Variants in COL6A3 observed in about 807,000 individuals in gnomAD.
COL6A3 encodes collagen alpha-3(VI) chain.
A neutral mutation model predicts 274.1 loss-of-function variants in COL6A3; 137 were observed. The observed-to-expected ratio is 0.50, with a 90% confidence interval of 0.44 to 0.58. The LOEUF (loss-of-function observed/expected upper bound fraction) is 0.58, where lower values mean the gene tolerates loss of function less well. Among genes scored for constraint, COL6A3 ranks in the 20% least tolerant of loss-of-function variants. The pLI is 0.00. For missense variants in COL6A3, 3,950 were observed against 4,124.9 expected, an observed-to-expected ratio of 0.96 and a Z score of 1.16; for synonymous variants, 1,650 against 1,650.6, an observed-to-expected ratio of 1.00 and a Z score of 0.01.
Position 237,377,300 on chromosome 2 carries a change from G to T in COL6A3, c.2542C>A (p.Leu848Ile). ...CGGACAACAGGGAACTGGCCCACAA[G>T]ATTGGCTGAGCCGTCAAAGAGGAAC... is the stretch of plus-strand genomic sequence containing the variant. ...ILFLFDGSANLVGQFPVVRDF... is the reference protein window; with the variant it reads ...ILFLFDGSANIVGQFPVVRDF... Residue 848 changes from leucine (L) to isoleucine (I), a missense_variant, in exon 7 of 44, where the codon CTT (leucine) becomes ATT (isoleucine). Coordinates refer to ENST00000295550, the MANE Select transcript of COL6A3 (RefSeq NM_004369.4). 1 of 1,602,366 alleles carries T rather than the reference G, an allele frequency of 6.2e-7. No individual in the cohort carries two copies. The highest frequency in any genetic ancestry group is 1.1e-5 in the South Asian group (1 of 91,072).
Position 237,344,229 on chromosome 2 carries a change from T to G in COL6A3, c.7668+121A>C. 1 of 1,476,758 alleles carries G rather than the reference T, an allele frequency of 6.8e-7. No homozygotes were observed. The highest frequency in any genetic ancestry group is 9.4e-7 in the Non-Finnish European group (1 of 1,063,466). The allele number at this position is 1,476,758 out of a possible 1,614,324, so 91.5% of individuals were successfully genotyped here. A position where few individuals can be genotyped will look rare whatever the true frequency, so the allele number is the denominator to read the frequency against. On this transcript the variant is annotated intron_variant, in intron 36 of 43. Coordinates refer to ENST00000295550, the MANE Select transcript of COL6A3 (RefSeq NM_004369.4). The surrounding 1 kb of genome is among the most constrained non-coding windows in gnomAD (Gnocchi z 4.8). ...AAGAGAAGTTCTCAGGCAGATGGCC[T>G]CATTGGGGACGTTTTAGGAGCTATG...
chr2:237,344,192 TG>T lies in COL6A3; in HGVS notation c.7668+157del. The T allele has an allele frequency of 9.0e-7, 1 of 1,108,362 alleles. No individual in the cohort carries two copies. Among genetic ancestry groups the T allele is most frequent in the Non-Finnish European group, 1.4e-6 (1 of 733,732 alleles). 68.7% of individuals were successfully genotyped at this position (1,108,362 alleles called of 1,614,324 possible). A position where few individuals can be genotyped will look rare whatever the true frequency, so the allele number is the denominator to read the frequency against. ...TAGTGCTGGAGCCACGAGGTTGTCC[TG>T]GAGACCTCACAAGAGAAGTTCTCAG... On this transcript the variant is annotated intron_variant, in intron 36 of 43. Transcript: ENST00000295550. This position sits in a 1 kb window ranked among gnomAD's most constrained non-coding sequence, Gnocchi z 4.8.
rs1300185498 is a variant in COL6A3 at position 237,371,344 on chromosome 2, C to G, written c.4285+388G>C. Among the ~76,000 whole-genome samples, 3 of 152,132 alleles carry G rather than the reference C, an allele frequency of 2.0e-5. No individual in the cohort carries two copies. The highest frequency in any genetic ancestry group is 2.0e-4 in the Admixed American group (3 of 15,278). On this transcript the variant is annotated intron_variant, in intron 9 of 43. Transcript: ENST00000295550. This position sits in a 1 kb window ranked among gnomAD's most constrained non-coding sequence, Gnocchi z 4.3. ...GGGCGCGGTGTCTCAGGCCTGTAATCCCAGCACTTTGGGAGGCCGCAGCAG... is the reference window on the plus strand; with the variant it reads ...GGGCGCGGTGTCTCAGGCCTGTAATGCCAGCACTTTGGGAGGCCGCAGCAG...
intron 1 of COL6A3, among the ~76,000 whole-genome samples, chr2:237,398,173 G>A (rs1170077678): frequency 6.6e-6 from 1 of 152,196 alleles, no homozygotes; most frequent in Non-Finnish European, 1.5e-5. Context: ...TTCCTCCAAG[G>A]AAAATCTGCC....
rs764957153 is a variant in COL6A3, at chr2:237,378,668, C to G, written c.2465G>C (p.Gly822Ala). The G allele has an allele frequency of 6.2e-7, 1 of 1,613,192 alleles. No homozygotes were observed. Among genetic ancestry groups the G allele is most frequent in the Non-Finnish European group, 8.5e-7 (1 of 1,180,044 alleles). ...AGCGAGTGGTACTTCCTCCACACCT[C>G]CACTAACATATGTGGTTAGGGGCTG... ...LIQPLTTYVS[G>A]GVEEVPLAQP... Residue 822 changes from glycine (G) to alanine (A), a missense_variant, in exon 6 of 44, where the codon GGA becomes GCA. Physicochemically the swap from Gly to Ala is moderately conservative, Grantham distance 60 (BLOSUM62 0). This residue lies in a region of COL6A3 where 1,934 missense variants were observed against 1,984.3 expected (regional missense o/e 0.97). Transcript: ENST00000295550.
chr2:237,380,429 C>T (rs1385535318), intron 5 of COL6A3, among the ~76,000 whole-genome samples: 1 of 152,186 alleles, frequency 6.6e-6, no homozygotes, highest in Non-Finnish European at 1.5e-5. Context: ...TATGCTTTCC[C>T]ATTGAGGGTA....
At chr2:237,370,518 T>C (rs1247017827) in intron 9 of COL6A3, among the ~76,000 whole-genome samples, 1 of 152,198 alleles carries the variant, frequency 6.6e-6, no homozygotes, top group East Asian at 1.9e-4. Flanking sequence ...ATTACAGGCG[T>C]GAGCCACCAC....
Position 237,368,737 on chromosome 2 carries a change from G to C in COL6A3, c.4726C>G (p.Arg1576Gly). The change falls in exon 10 of 44, where the codon CGG becomes GGG. Residue 1576 changes from arginine to glycine, a missense_variant. Physicochemically the swap from Arg to Gly is moderately radical, Grantham distance 125 (BLOSUM62 -2). Around this residue, in one of 5 missense-constraint regions of COL6A3, gnomAD observed 632 missense variants for 623.4 expected, o/e 1.01. Coordinates refer to ENST00000295550, the MANE Select transcript of COL6A3 (RefSeq NM_004369.4). The surrounding 1 kb of genome is among the most constrained non-coding windows in gnomAD (Gnocchi z 4.4). Reference sequence around the variant, plus strand: ...TGCAGCTCTGTTCTGTCGATGTTCCGGTCTCCTACCCCTAAACTCACAATG... The same window carrying C: ...TGCAGCTCTGTTCTGTCGATGTTCCCGTCTCCTACCCCTAAACTCACAATG... ...SGIVSLGVGD[R>G]NIDRTELQTI... The C allele has an allele frequency of 6.2e-7, 1 of 1,614,124 alleles. No homozygotes were observed. Among genetic ancestry groups the C allele is most frequent in the South Asian group, 1.1e-5 (1 of 91,076 alleles).
chr2:237,411,042 C>T (rs894902333), intron 1 of COL6A3, among the ~76,000 whole-genome samples: 2 of 152,160 alleles, frequency 1.3e-5, no homozygotes, highest in African/African-American at 4.8e-5. Context: ...CTCCTCAAAT[C>T]GTCAGCTATT....
rs920132941 is a variant in COL6A3 at position 237,324,753 on chromosome 2, T to A, written c.*21A>T. On this transcript the variant is annotated 3_prime_UTR_variant, in exon 44 of 44. Transcript: ENST00000295550. ...CTGACTCCTTCTTCTTCAAGAGGTA[T>A]ATGATGTTGGCCACCCACGCTTAGG... 1 of 1,613,532 alleles carries A rather than the reference T, an allele frequency of 6.2e-7. No individual in the cohort carries two copies. The highest frequency in any genetic ancestry group is 8.5e-7 in the Non-Finnish European group (1 of 1,179,656).
Position 237,334,801 on chromosome 2 carries a change from A to G in COL6A3, c.9054T>C (p.Tyr3018=). The change falls in exon 41 of 44, where the codon TAT becomes TAC. Residue 3018 remains tyrosine (Y), a synonymous_variant. Transcript: ENST00000295550. ...HWERAEPPGP[Y]FYDLTVTSAH... ...CTGAGGTGACGGTGAGGTCATAAAA[A>G]TAAGGACCGGGGGGCTCAGCCCTCT... 1.2e-6 allele frequency: 2 copies of G among 1,614,206 alleles called. No individual in the cohort carries two copies. The highest frequency in any genetic ancestry group is 1.7e-5 in the Admixed American group (1 of 60,022).
chr2:237,324,882 T>C (rs1699856173), intron 43 of COL6A3, 68 bp from the exon 44 acceptor site: 7 of 1,529,358 alleles, frequency 4.6e-6, no homozygotes, highest in Non-Finnish European at 6.3e-6. Context: ...AAAGCCACAT[T>C]ACTGACCCAA....
intron 42 of COL6A3, chr2:237,329,300 C>T (rs1700106183): frequency 6.6e-6 from 1 of 152,244 alleles, no homozygotes; most frequent in Admixed American, 6.5e-5. Context: ...AGTGATCCTC[C>T]TGCCTCAGCC....
chr2:237,380,260 T>C (rs962097417), intron 5 of COL6A3, among the ~76,000 whole-genome samples: 1 of 152,246 alleles, frequency 6.6e-6, no homozygotes, highest in Non-Finnish European at 1.5e-5. Flanking sequence ...CATTCTGTGA[T>C]GCTCATCTTC....
chr2:237,371,587 G>C lies in COL6A3; in HGVS notation c.4285+145C>G. 1.3e-6 allele frequency: 2 copies of C among 1,481,514 alleles called. No individual in the cohort carries two copies. The highest frequency in any genetic ancestry group is 1.8e-6 in the Non-Finnish European group (2 of 1,123,174). 91.8% of individuals were successfully genotyped at this position (1,481,514 alleles called of 1,614,324 possible). ...CACTCCAGCCTGGACGACAGAGCCA[G>C]ACCCTGTCTCAAAATAAAAACCATA... On this transcript the variant is annotated intron_variant, in intron 9 of 43. Coordinates refer to ENST00000295550, the MANE Select transcript of COL6A3 (RefSeq NM_004369.4). This position sits in a 1 kb window ranked among gnomAD's most constrained non-coding sequence, Gnocchi z 4.3.
rs1049159902 is a variant in COL6A3, at chr2:237,366,651, G to A, written c.5500+36C>T. 4.3e-6 allele frequency: 7 copies of A among 1,614,038 alleles called. No homozygotes were observed. In the African/African-American group the frequency reaches 9.3e-5, roughly 22 times the overall value. ...AGCTAAAGAGGCACAAATGTCAACAGGAAAGGATGGAAAATATGCACATAA... is the reference window on the plus strand; with the variant it reads ...AGCTAAAGAGGCACAAATGTCAACAAGAAAGGATGGAAAATATGCACATAA... On this transcript the variant is annotated intron_variant, in intron 11 of 43. Transcript: ENST00000295550.
intron 1 of COL6A3, among the ~76,000 whole-genome samples, chr2:237,410,278 G>A (rs145760656): frequency 2.1e-4 from 31 of 150,828 alleles, no homozygotes; most frequent in African/African-American, 5.1e-4. Flanking sequence ...CAGGATGAAC[G>A]TGCTAACTCA....
chr2:237,325,925 G>A, intron 42 of COL6A3: 1 of 516,090 alleles, frequency 1.9e-6, no homozygotes, highest in South Asian at 3.2e-5. Context: ...AGCCTTGTGA[G>A]AGATAGATGA....
intron 5 of COL6A3, among the ~76,000 whole-genome samples, chr2:237,379,655 G>A (rs2077951358): frequency 6.6e-6 from 1 of 152,162 alleles, no homozygotes; most frequent in Non-Finnish European, 1.5e-5. Flanking sequence ...CAAACAGAGG[G>A]TCTTCCATCC....
Sources: allele counts gnomAD v4.1 joint callset (sites outside exome capture counted in the v4.1 genomes callset), GRCh38; gene constraint gnomAD v4.1.1; regional missense constraint gnomAD v4.1.1; non-coding constraint Gnocchi (gnomAD v3.1); transcripts MANE v1.5; gene names NCBI Gene and HGNC (gene_info 2026-07-23, HGNC 2026-07-21).